Variants in FAM124A observed in about 807,000 individuals in gnomAD.
The protein encoded by FAM124A is protein FAM124A.
Under a neutral mutation model 24.5 loss-of-function variants are expected in FAM124A, and 23 were observed. The ratio of observed to expected loss-of-function variants is 0.94; its 90% CI spans 0.68 to 1.33. The LOEUF (loss-of-function observed/expected upper bound fraction) is 1.33, where lower values mean the gene tolerates loss of function less well. Ranked by LOEUF, FAM124A falls within the 40% of genes most tolerant of loss-of-function variation. The probability of loss-of-function intolerance (pLI) is 0.00; values close to 1 mark genes in which losing one functional copy is unlikely to be tolerated. For synonymous variants in FAM124A, 287 were observed against 314.7 expected, an observed-to-expected ratio of 0.91 and a Z score of 0.93; for missense variants, 623 against 722.8, an observed-to-expected ratio of 0.86 and a Z score of 1.58.
chr13:51,276,001 C>A (rs1954882810), intron 3 of FAM124A, among the ~76,000 whole-genome samples: 1 of 152,220 alleles, frequency 6.6e-6, no homozygotes, highest in South Asian at 2.1e-4. Flanking sequence ...ACACTGGGAG[C>A]ACCATGTAAA....
intron 1 of FAM124A, 123 bp from the exon 2 acceptor site, chr13:51,231,225 A>C (rs920871555): frequency 2.8e-5 from 29 of 1,021,646 alleles, no homozygotes; most frequent in Non-Finnish European, 4.4e-5. Flanking sequence ...TTAGCACTGC[A>C]GTTTTTAATT....
rs773890927 is a variant in FAM124A at position 51,280,924 on chromosome 13, T to C, written c.1309T>C (p.Phe437Leu). 4.3e-6 allele frequency: 7 copies of C among 1,614,056 alleles called. No individual in the cohort carries two copies. The highest frequency in any genetic ancestry group is 5.9e-6 in the Non-Finnish European group (7 of 1,179,986). ...CTCTGCATATTCTGCACCCAGTAGGTTCTGCAGCACAGTGGAGACACCCCT... is the reference window on the plus strand; with the variant it reads ...CTCTGCATATTCTGCACCCAGTAGGCTCTGCAGCACAGTGGAGACACCCCT... ...VVSAYSAPSR[F>L]CSTVETPLPS... is the part of the protein sequence containing the mutation. The change falls in exon 4 of 4, where the codon TTC (phenylalanine) becomes CTC (leucine). Residue 437 changes from phenylalanine (F) to leucine (L), a missense_variant. Transcript: ENST00000322475.
intron 2 of FAM124A, among the ~76,000 whole-genome samples, chr13:51,234,180 T>G (rs1279068865): frequency 6.6e-6 from 1 of 152,336 alleles, no homozygotes; most frequent in African/African-American, 2.4e-5. Context: ...GTGCAAGTGA[T>G]TCTTACTCAA....
intron 3 of FAM124A, among the ~76,000 whole-genome samples, chr13:51,275,209 CAAA>C (rs34573330): frequency 4.9e-5 from 5 of 101,930 alleles, no homozygotes; most frequent in Non-Finnish European, 6.5e-5. Context: ...CCTGTATATA[CAAA>C]AAAAAAAAAA....
chr13:51,244,897 A>G (rs946805380), intron 2 of FAM124A, among the ~76,000 whole-genome samples: 20 of 152,228 alleles, frequency 1.3e-4, no homozygotes, highest in Non-Finnish European at 1.5e-5. Context: ...GAGCTAAGCC[A>G]TGATTTCAGA....
intron 2 of FAM124A, among the ~76,000 whole-genome samples, chr13:51,235,339 G>A (rs1454793045): frequency 6.6e-6 from 1 of 151,670 alleles, no homozygotes; most frequent in Non-Finnish European, 1.5e-5. Context: ...TAAATAAAAG[G>A]AGGGAAATTA....
chr13:51,233,052 G>A (rs6561622), intron 2 of FAM124A, among the ~76,000 whole-genome samples: 47,995 of 151,870 alleles, frequency 0.32, 7,963 homozygotes, highest in East Asian at 0.6. Flanking sequence ...GGGGCCTCTT[G>A]GTGAGTGAGT....
In FAM124A at chr13:51,256,531, T is replaced by C. The variant is rs149908363; in HGVS notation, c.834+4330T>C. 3.0e-3 allele frequency among the ~76,000 whole-genome samples: 457 copies of C among 152,228 alleles called. 2 individuals carry two copies. The highest frequency in any genetic ancestry group is 3.8e-3 in the Non-Finnish European group (260 of 68,016). On this transcript the variant is annotated intron_variant, in intron 3 of 3. Transcript: ENST00000322475. ...CAGATCTCATCCACACCAGCTAGTA[T>C]TGCTTATCTTCTGCATGCAGCAAGG... is the stretch of plus-strand genomic sequence containing the variant.
chr13:51,265,571 TG>T (rs1463900066), intron 3 of FAM124A, among the ~76,000 whole-genome samples: 1 of 152,190 alleles, frequency 6.6e-6, no homozygotes, highest in Non-Finnish European at 1.5e-5. Flanking sequence ...CAAGGCCACA[TG>T]GTTATGGGAT....
intron 1 of FAM124A, 49 bp downstream of exon 1, chr13:51,222,618 C>T: frequency 2.5e-6 from 3 of 1,212,844 alleles, no homozygotes; most frequent in Non-Finnish European, 3.1e-6. Flanking sequence ...CTCCGAGTTG[C>T]GCGGCGGCTC....
intron 3 of FAM124A, among the ~76,000 whole-genome samples, chr13:51,266,142 T>C (rs1954783929): frequency 6.6e-6 from 1 of 152,204 alleles, no homozygotes; most frequent in African/African-American, 2.4e-5. Flanking sequence ...AAAGCGCACA[T>C]ATTTTCAGCC....
chr13:51,277,852 T>A lies in FAM124A; in HGVS notation c.835-2598T>A, dbSNP rs529296952. Among the ~76,000 whole-genome samples, 3 of 104,308 alleles carry A rather than the reference T, an allele frequency of 2.9e-5. No homozygotes were observed. The East Asian group carries it at 8.4e-4, about 29-fold the overall frequency. 68.4% of individuals were successfully genotyped at this position (104,308 alleles called of 152,430 possible). A position where few individuals can be genotyped will look rare whatever the true frequency, so the allele number is the denominator to read the frequency against. ...GGGTATGAGCCTCTTGACACCCAGA[T>A]CCTTGAAAAAGATGCTTTGCCTCAG... On this transcript the variant is annotated intron_variant, in intron 3 of 3. Coordinates refer to ENST00000322475, the MANE Select transcript of FAM124A (RefSeq NM_001242312.2).
At chr13:51,267,972 T>C (rs1339672284) in intron 3 of FAM124A, among the ~76,000 whole-genome samples, 1 of 152,182 alleles carries the variant, frequency 6.6e-6, no homozygotes, top group Non-Finnish European at 1.5e-5. Flanking sequence ...CTCTTCCATG[T>C]AAAGCTTGGG....
At position 51,251,869 on chromosome 13, in the gene FAM124A, G is replaced by A; in HGVS notation, c.502G>A (p.Gly168Ser). ...TTGGGCCATCCGGCCCGTGCACTAC[G>A]GCAAGGAAATCGTGCGCTTCACCGT... ...PLWAIRPVHY[G>S]KEIVRFTVYC... The change falls in exon 3 of 4, where the codon GGC (glycine) becomes AGC (serine). Residue 168 changes from glycine (G) to serine (S), a missense_variant. By Grantham distance (56) the Gly-to-Ser change is moderately conservative (BLOSUM62 0). Transcript: ENST00000322475. This position sits in a 1 kb window ranked among gnomAD's most constrained non-coding sequence, Gnocchi z 5.3. 5 of 1,613,690 alleles carry A rather than the reference G, an allele frequency of 3.1e-6. No individual in the cohort carries two copies. Among genetic ancestry groups the A allele is most frequent in the South Asian group, 1.1e-5 (1 of 91,012 alleles).
intron 2 of FAM124A, among the ~76,000 whole-genome samples, chr13:51,248,361 C>T (rs1292798350): frequency 6.6e-6 from 1 of 152,234 alleles, no homozygotes; most frequent in Non-Finnish European, 1.5e-5. Flanking sequence ...CCATTTGCAT[C>T]TTTATAGCCT....
intron 3 of FAM124A, among the ~76,000 whole-genome samples, chr13:51,275,209 CAAAA>C (rs34573330): frequency 2.0e-5 from 2 of 101,942 alleles, no homozygotes; most frequent in Admixed American, 1.1e-4. Flanking sequence ...CCTGTATATA[CAAAA>C]AAAAAAAAAA....
At chr13:51,252,774 C>T (rs1490304695) in intron 3 of FAM124A, 1 of 153,140 alleles carries the variant, frequency 6.5e-6, no homozygotes, top group African/African-American at 2.4e-5. Context: ...AAAAGGATGT[C>T]CCGTTAAACA....
intron 2 of FAM124A, among the ~76,000 whole-genome samples, chr13:51,236,582 T>C (rs1277453986): frequency 6.6e-6 from 1 of 152,236 alleles, no homozygotes; most frequent in Non-Finnish European, 1.5e-5. Flanking sequence ...GGAAAAGACA[T>C]GATTGCATAC....
chr13:51,245,255 C>T (rs763414098), intron 2 of FAM124A: 102 of 589,154 alleles, frequency 1.7e-4, no homozygotes, highest in Non-Finnish European at 2.8e-4. Context: ...CTAGGTGTGC[C>T]ATTTGCACAG....
Sources: gnomAD v4.1 joint callset for allele counts (sites outside exome capture counted in the v4.1 genomes callset) on GRCh38, gnomAD v4.1.1 for gene constraint, Gnocchi (gnomAD v3.1) non-coding constraint, MANE v1.5 for transcripts, NCBI Gene and HGNC (gene_info 2026-07-23, HGNC 2026-07-21) for gene names.